MAP2: variants seen among roughly 807,000 people sequenced by gnomAD.
The protein encoded by MAP2 is microtubule-associated protein 2.
A neutral mutation model predicts 137.6 loss-of-function variants in MAP2; 14 were observed. The observed-to-expected ratio is 0.10, with a 90% CI of 0.07 to 0.16. MAP2 has a LOEUF of 0.16. Among genes scored for constraint, MAP2 ranks in the 10% least tolerant of loss-of-function variants. MAP2 has a pLI of 1.00. For synonymous variants in MAP2, 786 were observed against 782.3 expected (o/e 1.00, Z -0.08); for missense variants, 2,088 against 2,191.5 (o/e 0.95, Z 0.94).
In MAP2 at chr2:209,609,220, G is replaced by GA. The variant is rs1188042858; in HGVS notation, c.-106-15826dup. 9.9e-5 allele frequency among the ~76,000 whole-genome samples: 15 copies of GA among 151,634 alleles called. No homozygotes were observed. In the East Asian group the frequency reaches 2.7e-3, roughly 27 times the overall value. ...TCCCATTGCTCAGGCTTAAAACTCTGAAAAAAATCTTAAATTTCAAAAAAT... is the reference window on the plus strand; with the variant it reads ...TCCCATTGCTCAGGCTTAAAACTCTGAAAAAAAATCTTAAATTTCAAAAAAT... On this transcript the variant is annotated intron_variant, in intron 3 of 15. Transcript: ENST00000682079.
At chr2:209,714,962 C>T (rs2066948264) in intron 13 of MAP2, among the ~76,000 whole-genome samples, 1 of 152,076 alleles carries the variant, frequency 6.6e-6, no homozygotes, top group South Asian at 2.1e-4. Context: ...TTTTATTTAG[C>T]AGTGTTTTCC....
At chr2:209,726,591 T>C (rs1388781138) in intron 14 of MAP2, among the ~76,000 whole-genome samples, 1 of 152,100 alleles carries the variant, frequency 6.6e-6, no homozygotes, top group Non-Finnish European at 1.5e-5. Flanking sequence ...AACCCCTGTC[T>C]CAATAAAAAA....
At chr2:209,625,770 G>C (rs142384114) in intron 4 of MAP2, among the ~76,000 whole-genome samples, 1 of 152,122 alleles carries the variant, frequency 6.6e-6, no homozygotes, top group Non-Finnish European at 1.5e-5. Flanking sequence ...TACTGAACGC[G>C]CTATAAATGC....
intron 4 of MAP2, among the ~76,000 whole-genome samples, chr2:209,649,568 T>C (rs921336872): frequency 3.3e-5 from 5 of 152,190 alleles, no homozygotes; most frequent in African/African-American, 1.2e-4. Flanking sequence ...TAGTGTCTCC[T>C]TTTGTTCAAT....
intron 2 of MAP2, among the ~76,000 whole-genome samples, chr2:209,533,573 T>G (rs1034087356): frequency 1.3e-5 from 2 of 152,252 alleles, no homozygotes; most frequent in Non-Finnish European, 2.9e-5. Context: ...AGTATGCATT[T>G]TGGCAAATTT....
At chr2:209,586,378 G>A (rs1343412539) in intron 3 of MAP2, among the ~76,000 whole-genome samples, 4 of 152,096 alleles carry the variant, frequency 2.6e-5, no homozygotes, top group Admixed American at 1.3e-4. Flanking sequence ...ATAAATAAGA[G>A]CAAGGGAAAA....
At chr2:209,626,502 TA>T (rs1406774795) in intron 4 of MAP2, among the ~76,000 whole-genome samples, 1 of 152,142 alleles carries the variant, frequency 6.6e-6, no homozygotes, top group African/African-American at 2.4e-5. Context: ...AAATCTTGTC[TA>T]AAAAAATAAT....
chr2:209,611,052 A>G (rs915075415), intron 3 of MAP2, among the ~76,000 whole-genome samples: 2 of 152,210 alleles, frequency 1.3e-5, no homozygotes, highest in Non-Finnish European at 2.9e-5. Context: ...AAAATAATCT[A>G]TAAGTTACTA....
At chr2:209,637,538 G>T (rs927317442) in intron 4 of MAP2, among the ~76,000 whole-genome samples, 1 of 151,910 alleles carries the variant, frequency 6.6e-6, no homozygotes, top group African/African-American at 2.4e-5. Flanking sequence ...GATAAGATGA[G>T]GTGACATAAG....
intron 3 of MAP2, among the ~76,000 whole-genome samples, chr2:209,618,483 G>A (rs767393522): frequency 1.3e-3 from 193 of 152,166 alleles, no homozygotes; most frequent in Non-Finnish European, 2.1e-3. Flanking sequence ...TAAGTCTTAC[G>A]ACAACATGTG....
chr2:209,464,798 T>C (rs1206326445), intron 1 of MAP2, among the ~76,000 whole-genome samples: 2 of 152,136 alleles, frequency 1.3e-5, no homozygotes, highest in African/African-American at 4.8e-5. Context: ...TGACATTAAT[T>C]AAAATTGCCT....
intron 2 of MAP2, among the ~76,000 whole-genome samples, chr2:209,526,692 A>C (rs192641627): frequency 4.2e-4 from 62 of 148,778 alleles, no homozygotes; most frequent in Non-Finnish European, 3.6e-4. Flanking sequence ...ATCCTTGCAG[A>C]AGTATTAGCT....
In MAP2 at chr2:209,718,453, A is replaced by G. The variant is rs550727270; in HGVS notation, c.5074-7256A>G. On this transcript the variant is annotated intron_variant, in intron 13 of 15. Coordinates refer to ENST00000682079, the MANE Select transcript of MAP2 (RefSeq NM_001375505.1). ...AAAAGTTCATTAGCTGTTCATTTTC[A>G]TGAATCAAAATGACTGTTGTACTCA... Among the ~76,000 whole-genome samples the G allele has an allele frequency of 8.5e-5, 13 of 152,308 alleles. No individual in the cohort carries two copies. The South Asian group carries it at 2.1e-3, about 24-fold the overall frequency.
rs1302829476 is a variant in MAP2, at chr2:209,733,460, C to CCCCACACACACACACA, written c.*3064_*3065insCCACACACACACACAC. 7 of 148,112 alleles carry CCCCACACACACACACA rather than the reference C, an allele frequency of 4.7e-5. No individual in the cohort carries two copies. Among genetic ancestry groups the CCCCACACACACACACA allele is most frequent in the African/African-American group, 1.5e-4 (6 of 40,050 alleles). The allele number at this position is 148,112 out of a possible 1,614,324, so 9.2% of individuals were successfully genotyped here. A position where few individuals can be genotyped will look rare whatever the true frequency, so the allele number is the denominator to read the frequency against. ...AATGTACTGATTGTAGTGACCTTCT[C>CCCCACACACACACACA]CACACACACACACACACACACACAC... On this transcript the variant is annotated 3_prime_UTR_variant, in exon 16 of 16. Transcript: ENST00000682079.
At chr2:209,679,503 G>A (rs759358522) in intron 6 of MAP2, among the ~76,000 whole-genome samples, 2 of 150,470 alleles carry the variant, frequency 1.3e-5, no homozygotes, top group South Asian at 2.1e-4. Context: ...GTATATACAC[G>A]TGAGTCATAG....
chr2:209,539,247 C>G (rs1051262744), intron 2 of MAP2, among the ~76,000 whole-genome samples: 1 of 152,068 alleles, frequency 6.6e-6, no homozygotes, highest in Non-Finnish European at 1.5e-5. Context: ...GTATAAAGAC[C>G]AAAGTAAATA....
At chr2:209,649,239 ACTC>A (rs2153600336) in intron 4 of MAP2, among the ~76,000 whole-genome samples, 1 of 151,800 alleles carries the variant, frequency 6.6e-6, no homozygotes, top group South Asian at 2.1e-4. Context: ...CTGGTCTTGA[ACTC>A]CTGGACTCAA....
chr2:209,481,948 C>T (rs1163604111), intron 1 of MAP2, among the ~76,000 whole-genome samples: 2 of 152,076 alleles, frequency 1.3e-5, no homozygotes, highest in Admixed American at 6.5e-5. Context: ...TTAAAATACA[C>T]GAGCATTCTC....
At chr2:209,502,022 A>G (rs2060444023) in intron 1 of MAP2, among the ~76,000 whole-genome samples, 1 of 152,176 alleles carries the variant, frequency 6.6e-6, no homozygotes, top group Admixed American at 6.5e-5. Context: ...ATATATATAT[A>G]TACACACACA....
Sources: allele counts gnomAD v4.1 joint callset (sites outside exome capture counted in the v4.1 genomes callset), GRCh38; gene constraint gnomAD v4.1.1; transcripts MANE v1.5; gene names NCBI Gene and HGNC (gene_info 2026-07-23, HGNC 2026-07-21).